The following RPS6KC1 variants were observed in gnomAD, a reference collection of about 807,000 sequenced individuals.
RPS6KC1 encodes the protein inactive ribosomal protein S6 kinase delta-1.
In RPS6KC1, 54 loss-of-function variants were observed where a neutral mutation model predicts 103.8. That is an observed-to-expected ratio of 0.52 (90% CI 0.42 to 0.65). The LOEUF (loss-of-function observed/expected upper bound fraction) is 0.65, where lower values mean the gene tolerates loss of function less well. Among genes scored for constraint, RPS6KC1 ranks in the 30% least tolerant of loss-of-function variants. The pLI is 0.00. For missense variants in RPS6KC1, 1,151 were observed against 1,253.8 expected (o/e 0.92, Z 1.24); for synonymous variants, 439 against 438.7 (o/e 1.00, Z -0.01).
the RPS6KC1 span, among the ~76,000 whole-genome samples, chr1:213,672,320 A>G: frequency 6.6e-6 from 1 of 152,166 alleles, no homozygotes; most frequent in African/African-American, 2.4e-5. Context: ...AGCCTTGTCC[A>G]TATTCTGGGC....
chr1:213,152,564 G>T lies in RPS6KC1; in HGVS notation c.836-15294G>T, dbSNP rs553785845. ...AGATGCTCCTCACCTCCCAGACGGG[G>T]TTGCCGCCGGGCAGAGGTGCTCCTC... On this transcript the variant is annotated intron_variant, in intron 6 of 14. Coordinates refer to ENST00000366960, the MANE Select transcript of RPS6KC1 (RefSeq NM_012424.6). 5.2e-4 allele frequency among the ~76,000 whole-genome samples: 78 copies of T among 149,940 alleles called. 1 individual carries two copies. The highest frequency in any genetic ancestry group is 1.6e-3 in the African/African-American group (66 of 40,790).
chr1:213,570,982 G>A, the RPS6KC1 span, among the ~76,000 whole-genome samples: 13 of 152,278 alleles, frequency 8.5e-5, no homozygotes, highest in African/African-American at 3.1e-4. Flanking sequence ...ATACTATCAG[G>A]CTTGACAGCA....
chr1:213,108,234 AC>A (rs2082677296), intron 4 of RPS6KC1, among the ~76,000 whole-genome samples: 1 of 152,158 alleles, frequency 6.6e-6, no homozygotes, highest in South Asian at 2.1e-4. Flanking sequence ...TTTTAATGTT[AC>A]AGGTCTGTGA....
chr1:213,326,140 A>G, the RPS6KC1 span, among the ~76,000 whole-genome samples: 1 of 152,118 alleles, frequency 6.6e-6, no homozygotes, highest in Non-Finnish European at 1.5e-5. Flanking sequence ...TGAGCACCAA[A>G]TGATCTGAGT....
chr1:213,701,672 T>A, the RPS6KC1 span, among the ~76,000 whole-genome samples: 1 of 152,080 alleles, frequency 6.6e-6, no homozygotes, highest in South Asian at 2.1e-4. Flanking sequence ...TTTGTCCATT[T>A]CTTCTATGTT....
At chr1:213,129,389 A>G in intron 5 of RPS6KC1, 138 bp from the exon 6 acceptor site, 1 of 909,218 alleles carries the variant, frequency 1.1e-6, no homozygotes, top group East Asian at 2.5e-5. Context: ...ACAAATTGCT[A>G]GACACTGACT....
At chr1:213,351,078 C>T in the RPS6KC1 span, among the ~76,000 whole-genome samples, 1 of 152,082 alleles carries the variant, frequency 6.6e-6, no homozygotes, top group African/African-American at 2.4e-5. Context: ...TAATTAAGTA[C>T]ATGTACATAT....
At chr1:213,103,444 G>A (rs919189277) in intron 3 of RPS6KC1, among the ~76,000 whole-genome samples, 2 of 152,120 alleles carry the variant, frequency 1.3e-5, no homozygotes, top group African/African-American at 2.4e-5. Context: ...TAAAAATGAG[G>A]AAATAATCTG....
At chr1:213,550,216 A>G in the RPS6KC1 span, among the ~76,000 whole-genome samples, 2 of 152,216 alleles carry the variant, frequency 1.3e-5, no homozygotes, top group East Asian at 3.9e-4. Flanking sequence ...GAAGTGAGAT[A>G]CATGGGTAAC....
chr1:213,576,048 G>A, the RPS6KC1 span, among the ~76,000 whole-genome samples: 1 of 152,088 alleles, frequency 6.6e-6, no homozygotes, highest in Non-Finnish European at 1.5e-5. Flanking sequence ...GAATGGTTTA[G>A]GTGGGACCTT....
chr1:213,609,074 G>A, the RPS6KC1 span, among the ~76,000 whole-genome samples: 2 of 152,292 alleles, frequency 1.3e-5, no homozygotes, highest in African/African-American at 4.8e-5. Context: ...AAATTGAAAT[G>A]GAGGAGGAGA....
chr1:213,247,717 G>A (rs928649823), intron 12 of RPS6KC1, among the ~76,000 whole-genome samples: 15 of 151,990 alleles, frequency 9.9e-5, no homozygotes. Flanking sequence ...TAGATTTGTT[G>A]GATATAAGTA....
chr1:213,420,322 G>T, the RPS6KC1 span, among the ~76,000 whole-genome samples: 1 of 152,128 alleles, frequency 6.6e-6, no homozygotes, highest in Non-Finnish European at 1.5e-5. Flanking sequence ...GTTCCCAAAA[G>T]GAAAAAGTAG....
chr1:213,213,557 T>C (rs1263825772), intron 8 of RPS6KC1, among the ~76,000 whole-genome samples: 1 of 152,194 alleles, frequency 6.6e-6, no homozygotes, highest in Non-Finnish European at 1.5e-5. Flanking sequence ...CTACATAAAG[T>C]TTAGAATCAG....
chr1:213,855,954 C>T, the RPS6KC1 span, among the ~76,000 whole-genome samples: 10 of 152,316 alleles, frequency 6.6e-5, no homozygotes, highest in African/African-American at 1.9e-4. Context: ...CCCTTCTTTT[C>T]CATGCCTCCT....
chr1:213,122,554 T>C (rs1238943389), intron 5 of RPS6KC1, among the ~76,000 whole-genome samples: 1 of 152,166 alleles, frequency 6.6e-6, no homozygotes, highest in Admixed American at 6.6e-5. Flanking sequence ...CTACATAATA[T>C]AGTGTGAGAT....
At chr1:213,584,655 G>A in the RPS6KC1 span, among the ~76,000 whole-genome samples, 6 of 152,204 alleles carry the variant, frequency 3.9e-5, no homozygotes, top group African/African-American at 9.6e-5. Context: ...GAGAGGCTAC[G>A]TTTTGAGAAG....
the RPS6KC1 span, among the ~76,000 whole-genome samples, chr1:213,784,346 A>G: frequency 6.6e-6 from 1 of 152,178 alleles, no homozygotes; most frequent in East Asian, 1.9e-4. Flanking sequence ...CCTCACACAC[A>G]TGAAGTTGGT....
At chr1:213,551,138 A>G in the RPS6KC1 span, among the ~76,000 whole-genome samples, 1 of 152,136 alleles carries the variant, frequency 6.6e-6, no homozygotes, top group Admixed American at 6.6e-5. Flanking sequence ...AGCCACAGCA[A>G]TTCCCCTCCA....
Sources: allele counts gnomAD v4.1 joint callset (sites outside exome capture counted in the v4.1 genomes callset), GRCh38; gene constraint gnomAD v4.1.1; transcripts MANE v1.5; gene names NCBI Gene and HGNC (gene_info 2026-07-23, HGNC 2026-07-21).